Variants in SEMA3D observed in about 807,000 individuals in gnomAD.
SEMA3D encodes semaphorin 3D.
In SEMA3D, 84 loss-of-function variants were observed where a neutral mutation model predicts 100.1. The ratio of observed to expected loss-of-function variants is 0.84; its 90% CI spans 0.70 to 1.01. The LOEUF is 1.01. Ranked by LOEUF, SEMA3D falls within the 50% of genes least tolerant of loss-of-function variation. The pLI, the probability that SEMA3D is intolerant of heterozygous loss-of-function variation, is 0.00. For synonymous variants in SEMA3D, 312 were observed against 320.7 expected, an observed-to-expected ratio of 0.97 and a Z score of 0.29; for missense variants, 875 against 934.1, an observed-to-expected ratio of 0.94 and a Z score of 0.82.
intron 8 of SEMA3D, 23 bp from the exon 9 acceptor site, chr7:85,055,882 T>C (rs2116082159): frequency 7.3e-7 from 1 of 1,365,820 alleles, no homozygotes; most frequent in Non-Finnish European, 1.0e-6. Flanking sequence ...AAAGAAGCTA[T>C]AAATTAAGAT....
chr7:85,122,244 A>AC (rs1789446049), intron 2 of SEMA3D, among the ~76,000 whole-genome samples: 1 of 151,802 alleles, frequency 6.6e-6, no homozygotes, highest in Admixed American at 6.6e-5. Context: ...AAAAAAAAAA[A>AC]CTATTAAGAT....
chr7:85,071,063 C>T (rs1310252931), intron 6 of SEMA3D, among the ~76,000 whole-genome samples: 2 of 152,074 alleles, frequency 1.3e-5, no homozygotes, highest in Admixed American at 6.6e-5. Context: ...CTGCGTCCGG[C>T]CAGCACTTGT....
chr7:85,116,703 T>A (rs977873429), intron 3 of SEMA3D, among the ~76,000 whole-genome samples: 6 of 152,074 alleles, frequency 3.9e-5, no homozygotes, highest in Non-Finnish European at 7.4e-5. Context: ...GTTCCAAAGA[T>A]ATTATTCCAT....
chr7:85,069,271 C>T (rs960900985), intron 6 of SEMA3D, among the ~76,000 whole-genome samples: 4 of 152,158 alleles, frequency 2.6e-5, no homozygotes, highest in Non-Finnish European at 4.4e-5. Flanking sequence ...TTATGTTGCA[C>T]TTCAGATCTT....
chr7:85,188,489 T>C (rs748160957), upstream of SEMA3D, among the ~76,000 whole-genome samples: 10 of 152,242 alleles, frequency 6.6e-5, no homozygotes, highest in Non-Finnish European at 1.2e-4. Flanking sequence ...AATTGTTTAT[T>C]GTATGTTTCT....
chr7:85,018,715 G>A (rs771051978), intron 14 of SEMA3D, among the ~76,000 whole-genome samples: 1 of 151,720 alleles, frequency 6.6e-6, no homozygotes, highest in Non-Finnish European at 1.5e-5. Context: ...AAGTAGCAGA[G>A]TTTTGAGAAG....
At chr7:85,053,941 G>C (rs1047906213) in intron 9 of SEMA3D, among the ~76,000 whole-genome samples, 5 of 151,942 alleles carry the variant, frequency 3.3e-5, no homozygotes, top group Non-Finnish European at 7.4e-5. Context: ...GTATGTGTGT[G>C]TGTGTGTGAT....
At position 85,159,114 on chromosome 7, in the gene SEMA3D, A is replaced by T. The variant is rs184339227; in HGVS notation, c.-172-5375T>A. Among the ~76,000 whole-genome samples the T allele has an allele frequency of 7.9e-5, 12 of 152,120 alleles. No homozygotes were observed. The East Asian group carries it at 2.3e-3, about 29-fold the overall frequency. On this transcript the variant is annotated intron_variant, in intron 1 of 18. Coordinates refer to ENST00000284136, the MANE Select transcript of SEMA3D (RefSeq NM_001384900.1). ...TGTTTTTTCCTCATACTTATCTTAG[A>T]CCCTGATATTCTCTTATTTTGACAA...
Position 85,102,023 on chromosome 7 carries a change from C to T in SEMA3D, c.152-4058G>A, listed in dbSNP as rs187390334. Reference sequence around the variant, plus strand: ...TAAGTGTTGAGTATGGGGTTAAGGTCGTGAGATTAGTGAGCCTTGTCTGCA... The same window carrying T: ...TAAGTGTTGAGTATGGGGTTAAGGTTGTGAGATTAGTGAGCCTTGTCTGCA... On this transcript the variant is annotated intron_variant, in intron 3 of 18. Coordinates refer to ENST00000284136, the MANE Select transcript of SEMA3D (RefSeq NM_001384900.1). 1.7e-3 allele frequency among the ~76,000 whole-genome samples: 251 copies of T among 151,954 alleles called. 1 individual carries two copies. Among genetic ancestry groups the T allele is most frequent in the African/African-American group, 5.6e-3 (234 of 41,458 alleles).
At chr7:85,012,914 T>C (rs1006993363) in intron 16 of SEMA3D, 68 bp from the exon 17 acceptor site, 137 of 1,197,008 alleles carry the variant, frequency 1.1e-4, no homozygotes, top group African/African-American at 2.1e-4. Flanking sequence ...AGGCTACATC[T>C]AATACTAATA....
chr7:85,150,658 T>A (rs909215316), intron 2 of SEMA3D, among the ~76,000 whole-genome samples: 6 of 151,774 alleles, frequency 4.0e-5, no homozygotes, highest in Admixed American at 2.0e-4. Flanking sequence ...TCATTTTAAC[T>A]CCTTTACTCT....
At chr7:85,184,938 C>T (rs1791500801) in intron 1 of SEMA3D, among the ~76,000 whole-genome samples, 1 of 152,198 alleles carries the variant, frequency 6.6e-6, no homozygotes, top group African/African-American at 2.4e-5. Context: ...CTCCCAACCC[C>T]GATCTTCTTG....
At chr7:85,002,057 C>T (rs1192235816) in intron 18 of SEMA3D, among the ~76,000 whole-genome samples, 1 of 152,034 alleles carries the variant, frequency 6.6e-6, no homozygotes, top group Non-Finnish European at 1.5e-5. Flanking sequence ...TATTGTGTAA[C>T]ACTTCATCAT....
intron 3 of SEMA3D, among the ~76,000 whole-genome samples, chr7:85,098,685 A>G (rs1349545172): frequency 6.6e-6 from 1 of 151,788 alleles, no homozygotes; most frequent in Admixed American, 6.6e-5. Context: ...GCACATATTA[A>G]TCTTCCAAAC....
At chr7:85,112,615 T>C (rs1440171262) in intron 3 of SEMA3D, among the ~76,000 whole-genome samples, 1 of 152,314 alleles carries the variant, frequency 6.6e-6, no homozygotes, top group East Asian at 1.9e-4. Context: ...TGCTATTTAA[T>C]AGCTTTTTGC....
At chr7:85,249,124 T>A in the SEMA3D span, among the ~76,000 whole-genome samples, 1 of 152,286 alleles carries the variant, frequency 6.6e-6, no homozygotes, top group South Asian at 2.1e-4. Context: ...TTTGCTGTTA[T>A]CCTAAAATCA....
At chr7:85,159,281 G>A (rs1790679846) in intron 1 of SEMA3D, among the ~76,000 whole-genome samples, 1 of 152,088 alleles carries the variant, frequency 6.6e-6, no homozygotes, top group South Asian at 2.1e-4. Context: ...TCAAAGAGGG[G>A]TGATAAGGAA....
intron 8 of SEMA3D, among the ~76,000 whole-genome samples, chr7:85,063,928 G>C (rs1021559629): frequency 6.6e-6 from 1 of 152,140 alleles, no homozygotes; most frequent in African/African-American, 2.4e-5. Context: ...CACAAGGGTA[G>C]AATAGCACCC....
chr7:85,234,559 G>T, the SEMA3D span, among the ~76,000 whole-genome samples: 7 of 152,110 alleles, frequency 4.6e-5, no homozygotes, highest in Admixed American at 1.3e-4. Flanking sequence ...TTGCTTGAGG[G>T]CTGCACCTAC....
Sources: gnomAD v4.1 joint callset for allele counts (sites outside exome capture counted in the v4.1 genomes callset) on GRCh38, gnomAD v4.1.1 for gene constraint, MANE v1.5 for transcripts, NCBI Gene and HGNC (gene_info 2026-07-23, HGNC 2026-07-21) for gene names.